SPON1: variants seen among roughly 807,000 people sequenced by gnomAD.
SPON1 encodes the protein spondin 1, also known as spondin-1.
Under a neutral mutation model 111.7 loss-of-function variants are expected in SPON1, and 52 were observed. That is an observed-to-expected ratio of 0.47 (90% CI 0.37 to 0.59). SPON1 has a LOEUF of 0.59. Among genes scored for constraint, SPON1 ranks in the 20% least tolerant of loss-of-function variants. The pLI, the probability that SPON1 is intolerant of heterozygous loss-of-function variation, is 0.00. For synonymous variants in SPON1, 410 were observed against 395.8 expected (o/e 1.04, Z -0.43); for missense variants, 957 against 1,068.5 (o/e 0.90, Z 1.46).
intron 1 of SPON1, among the ~76,000 whole-genome samples, chr11:13,974,333 A>G (rs1013963239): frequency 3.3e-5 from 5 of 152,182 alleles, no homozygotes; most frequent in African/African-American, 7.2e-5. Context: ...GGGGCTGGCC[A>G]TAGGATGGAG....
chr11:14,132,840 A>C (rs1847542997), intron 5 of SPON1, among the ~76,000 whole-genome samples: 1 of 152,238 alleles, frequency 6.6e-6, no homozygotes, highest in East Asian at 1.9e-4. Context: ...GGAAGAAACT[A>C]TAATTATTGA....
intron 2 of SPON1, among the ~76,000 whole-genome samples, chr11:14,017,591 C>T: frequency 6.6e-6 from 1 of 152,156 alleles, no homozygotes; most frequent in Non-Finnish European, 1.5e-5. Context: ...TGGATTCTTA[C>T]CCAAATTTTA....
chr11:14,026,899 G>A (rs1848522872), intron 2 of SPON1, among the ~76,000 whole-genome samples: 1 of 152,146 alleles, frequency 6.6e-6, no homozygotes, highest in Non-Finnish European at 1.5e-5. Context: ...ACATGTAAGT[G>A]AGACCAGAAA....
chr11:14,200,498 TA>T (rs1379790143), intron 6 of SPON1, among the ~76,000 whole-genome samples: 1 of 152,242 alleles, frequency 6.6e-6, no homozygotes, highest in African/African-American at 2.4e-5. Flanking sequence ...AATTCTTTAT[TA>T]AAAGATCTTT....
chr11:14,043,915 A>G (rs1848649679), intron 3 of SPON1, among the ~76,000 whole-genome samples: 1 of 152,232 alleles, frequency 6.6e-6, no homozygotes, highest in Admixed American at 6.5e-5. Flanking sequence ...GATATACACA[A>G]TGGAGGTATA....
At chr11:13,987,045 G>T (rs1564879806) in intron 2 of SPON1, among the ~76,000 whole-genome samples, 1 of 152,186 alleles carries the variant, frequency 6.6e-6, no homozygotes, top group Non-Finnish European at 1.5e-5. Context: ...TGTCCTTATA[G>T]TATAATGATT....
At chr11:13,992,161 G>T (rs1848236104) in intron 2 of SPON1, among the ~76,000 whole-genome samples, 3 of 152,192 alleles carry the variant, frequency 2.0e-5, no homozygotes, top group African/African-American at 4.8e-5. Context: ...TGCAACCATA[G>T]CTACCCCTTT....
Position 14,070,101 on chromosome 11 carries a change from G to A in SPON1, c.480-5244G>A, listed in dbSNP as rs140641670. 1.6e-3 allele frequency among the ~76,000 whole-genome samples: 243 copies of A among 152,220 alleles called. 4 individuals are homozygous for A. The highest frequency in any genetic ancestry group is 5.3e-3 in the African/African-American group (221 of 41,530). ...CCTTGTGAAGTAAAATAAGGGAGAC[G>A]GCCTCAGCATCTGATATTATCATTG... On this transcript the variant is annotated intron_variant, in intron 3 of 15. Coordinates refer to ENST00000576479, the MANE Select transcript of SPON1 (RefSeq NM_006108.4).
intron 6 of SPON1, among the ~76,000 whole-genome samples, chr11:14,144,664 TAATAATGAA>T (rs1464392063): frequency 1.3e-5 from 2 of 148,944 alleles, no homozygotes; most frequent in African/African-American, 4.9e-5. Flanking sequence ...ATAATAATAA[TAATAATGAA>T]AAATAAAAAG....
At chr11:14,031,129 T>C (rs1337906134) in intron 2 of SPON1, among the ~76,000 whole-genome samples, 4 of 152,132 alleles carry the variant, frequency 2.6e-5, no homozygotes, top group African/African-American at 9.7e-5. Flanking sequence ...ATGTTCTCAC[T>C]TGTAAGTGGG....
chr11:14,026,836 A>C (rs1482949682), intron 2 of SPON1, among the ~76,000 whole-genome samples: 2 of 152,102 alleles, frequency 1.3e-5, no homozygotes, highest in Non-Finnish European at 2.9e-5. Context: ...CTGTGAGGTT[A>C]CCCCAACTTG....
chr11:14,149,200 A>G lies in SPON1; in HGVS notation c.825+13632A>G, dbSNP rs536938399. 2.6e-5 allele frequency among the ~76,000 whole-genome samples: 4 copies of G among 152,294 alleles called. No homozygotes were observed. The East Asian group carries it at 7.7e-4, about 29-fold the overall frequency. On this transcript the variant is annotated intron_variant, in intron 6 of 15. Coordinates refer to ENST00000576479, the MANE Select transcript of SPON1 (RefSeq NM_006108.4). Reference sequence around the variant, plus strand: ...CTGCCCCCGAGGACCTTCCAGTGGGACAAGGTGTGGAAGTAGAAGTCAATG... The same window carrying G: ...CTGCCCCCGAGGACCTTCCAGTGGGGCAAGGTGTGGAAGTAGAAGTCAATG...
chr11:14,147,052 C>T (rs1467136238), intron 6 of SPON1, among the ~76,000 whole-genome samples: 105 of 84,306 alleles, frequency 1.2e-3, no homozygotes, highest in African/African-American at 3.6e-3. Flanking sequence ...TTTTTTGAGA[C>T]GGAGTCTTGC....
intron 2 of SPON1, among the ~76,000 whole-genome samples, chr11:13,999,364 C>T (rs1399991266): frequency 6.6e-6 from 1 of 151,928 alleles, no homozygotes; most frequent in African/African-American, 2.4e-5. Context: ...GATACAGTCC[C>T]ATGTTTCTGG....
At chr11:14,000,464 ATTGC>A (rs1252631884) in intron 2 of SPON1, among the ~76,000 whole-genome samples, 3 of 152,184 alleles carry the variant, frequency 2.0e-5, no homozygotes, top group Admixed American at 2.0e-4. Flanking sequence ...CCACAAGGGT[ATTGC>A]TTTGTTCAGC....
chr11:13,966,387 T>G (rs2133771646), intron 1 of SPON1, among the ~76,000 whole-genome samples: 1 of 152,282 alleles, frequency 6.6e-6, no homozygotes, highest in East Asian at 1.9e-4. Context: ...AGATCACAAT[T>G]TCAAGCCAAA....
intron 6 of SPON1, among the ~76,000 whole-genome samples, chr11:14,189,065 C>T (rs577323792): frequency 1.3e-5 from 2 of 152,148 alleles, no homozygotes; most frequent in Non-Finnish European, 2.9e-5. Context: ...CCCAGTTGTT[C>T]CACTTCTCAG....
At chr11:14,202,717 C>T (rs1299511261) in intron 6 of SPON1, among the ~76,000 whole-genome samples, 1 of 152,198 alleles carries the variant, frequency 6.6e-6, no homozygotes, top group Non-Finnish European at 1.5e-5. Context: ...GGGAAACATC[C>T]TGTCTTTTAC....
At chr11:14,031,768 C>T (rs1848560823) in intron 2 of SPON1, among the ~76,000 whole-genome samples, 1 of 151,990 alleles carries the variant, frequency 6.6e-6, no homozygotes, top group Admixed American at 6.6e-5. Context: ...ATATTGAAAG[C>T]CCTTTCATAA....
Sources: allele counts gnomAD v4.1 joint callset (sites outside exome capture counted in the v4.1 genomes callset), GRCh38; gene constraint gnomAD v4.1.1; transcripts MANE v1.5; gene names NCBI Gene and HGNC (gene_info 2026-07-23, HGNC 2026-07-21).